Variants in MALT1 observed in about 807,000 individuals in gnomAD.
The protein encoded by MALT1 is MALT1 paracaspase.
A neutral mutation model predicts 85.5 loss-of-function variants in MALT1; 36 were observed. The ratio of observed to expected loss-of-function variants is 0.42; its 90% confidence interval spans 0.32 to 0.56. The LOEUF (loss-of-function observed/expected upper bound fraction) is 0.56. Among genes scored for constraint, MALT1 ranks in the 20% least tolerant of loss-of-function variants. MALT1 has a pLI of 0.10. For synonymous variants in MALT1, 359 were observed against 361.3 expected, an observed-to-expected ratio of 0.99 and a Z score of 0.07; for missense variants, 716 against 981.6, an observed-to-expected ratio of 0.73 and a Z score of 3.62.
At chr18:58,700,915 C>A (rs2054662633) in intron 4 of MALT1, among the ~76,000 whole-genome samples, 1 of 152,074 alleles carries the variant, frequency 6.6e-6, no homozygotes, top group African/African-American at 2.4e-5. Context: ...GCCTTATCCT[C>A]CTGAGTAGCT....
At position 58,671,577 on chromosome 18, in the gene MALT1, C is replaced by T. The variant is rs1267777429; in HGVS notation, c.-67C>T. On this transcript the variant is annotated 5_prime_UTR_variant, in exon 1 of 17. Transcript: ENST00000649217. ...GCGGCTCGGAGGCGAGCGGAAGGTG[C>T]CCCGGGGCCGAGGCCCGTGACGGGG... 9.3e-7 allele frequency: 1 copy of T among 1,077,202 alleles called. No homozygotes were observed. The highest frequency in any genetic ancestry group is 1.6e-5 in the African/African-American group (1 of 60,950). The allele number at this position is 1,077,202 out of a possible 1,614,324, so 66.7% of individuals were successfully genotyped here.
intron 9 of MALT1, among the ~76,000 whole-genome samples, chr18:58,719,150 G>C (rs182403634): frequency 6.4e-4 from 97 of 152,268 alleles, no homozygotes; most frequent in Non-Finnish European, 1.0e-3. Flanking sequence ...TTGTTCTGTG[G>C]GTTGGACTGG....
intron 3 of MALT1, among the ~76,000 whole-genome samples, chr18:58,699,435 A>G (rs567201116): frequency 6.6e-6 from 1 of 152,320 alleles, no homozygotes; most frequent in African/African-American, 2.4e-5. Context: ...TGGTGTAGGT[A>G]CTGAAAGGGG....
intron 2 of MALT1, among the ~76,000 whole-genome samples, chr18:58,692,433 T>TCTCA (rs774176542): frequency 1.8e-4 from 10 of 55,124 alleles, no homozygotes; most frequent in Non-Finnish European, 4.2e-4. Context: ...TCTCTCTCTC[T>TCTCA]CTCACTCTCT....
chr18:58,701,457 A>G (rs2054671564), intron 4 of MALT1, among the ~76,000 whole-genome samples: 1 of 152,108 alleles, frequency 6.6e-6, no homozygotes, highest in South Asian at 2.1e-4. Flanking sequence ...CTATTATAGA[A>G]CTCGTTGCAT....
rs1366556324 is a variant in MALT1, at chr18:58,749,712, CCACA to C, written c.*1873_*1876del. 1 of 220,512 alleles carries C rather than the reference CCACA, an allele frequency of 4.5e-6. No individual in the cohort carries two copies. The highest frequency in any genetic ancestry group is 9.1e-6 in the Non-Finnish European group (1 of 110,174). The allele number at this position is 220,512 out of a possible 1,614,324, so 13.7% of individuals were successfully genotyped here. On this transcript the variant is annotated 3_prime_UTR_variant, in exon 17 of 17. Coordinates refer to ENST00000649217, the MANE Select transcript of MALT1 (RefSeq NM_006785.4). ...TACCATATTTAATAAAGCACAAAAC[CCACA>C]CAGATTGTCTTATTACAGCATTTGA...
rs1400673796 is a variant in MALT1, at chr18:58,700,516, G to A, written c.574G>A (p.Val192Ile). 5 of 1,613,230 alleles carry A rather than the reference G, an allele frequency of 3.1e-6. No individual in the cohort carries two copies. The highest frequency in any genetic ancestry group is 4.2e-6 in the Non-Finnish European group (5 of 1,179,774). ...VKDAGFYVCRVNNNFTFEFSQ... is the reference protein window; with the variant it reads ...VKDAGFYVCRINNNFTFEFSQ... ...AGATGCAGGCTTTTATGTCTGTCGAGTTAATAACAATTTCACCTTTGAATT... is the reference window on the plus strand; with the variant it reads ...AGATGCAGGCTTTTATGTCTGTCGAATTAATAACAATTTCACCTTTGAATT... Residue 192 changes from valine to isoleucine, a missense_variant, in exon 4 of 17, where the codon GTT (valine) becomes ATT (isoleucine). Around this residue, in one of 4 missense-constraint regions of MALT1, gnomAD observed 290 missense variants for 380.5 expected, o/e 0.76. Transcript: ENST00000649217.
At chr18:58,735,427 T>A (rs1355101741) in intron 13 of MALT1, 98 bp downstream of exon 13, 1 of 1,334,926 alleles carries the variant, frequency 7.5e-7, no homozygotes, top group Non-Finnish European at 1.0e-6. Context: ...TTATTCTTAT[T>A]ATGTGGGTTT....
intron 1 of MALT1, among the ~76,000 whole-genome samples, 192 bp downstream of exon 1, chr18:58,672,044 C>T (rs2054170404): frequency 6.6e-6 from 1 of 152,124 alleles, no homozygotes; most frequent in Non-Finnish European, 1.5e-5. Flanking sequence ...GGTTTGAGAG[C>T]GGGGCCCAGG....
chr18:58,733,767 C>T, intron 11 of MALT1, 193 bp downstream of exon 11: 1 of 733,492 alleles, frequency 1.4e-6, no homozygotes, highest in East Asian at 3.0e-5. Flanking sequence ...TTCATATTTG[C>T]TATAGAACAC....
chr18:58,732,418 A>G (rs1490348485), intron 10 of MALT1, among the ~76,000 whole-genome samples: 3 of 152,208 alleles, frequency 2.0e-5, no homozygotes, highest in Admixed American at 6.5e-5. Flanking sequence ...AACTATCCCA[A>G]ATTTTAGATT....
chr18:58,732,895 C>G (rs1411745697), intron 10 of MALT1, among the ~76,000 whole-genome samples: 1 of 151,520 alleles, frequency 6.6e-6, no homozygotes, highest in African/African-American at 2.4e-5. Flanking sequence ...TAAGTGCAGA[C>G]TGTTGGTAAT....
chr18:58,690,535 G>T, intron 2 of MALT1: 1 of 168,868 alleles, frequency 5.9e-6, no homozygotes, highest in South Asian at 1.6e-4. Context: ...TCCCCTCTGT[G>T]AGAGAGATGT....
At chr18:58,701,638 A>C (rs528777457) in intron 4 of MALT1, among the ~76,000 whole-genome samples, 1 of 152,300 alleles carries the variant, frequency 6.6e-6, no homozygotes, top group East Asian at 1.9e-4. Flanking sequence ...TGTTACAGCT[A>C]TTTTAAACTA....
rs190491940 is a variant in MALT1, at chr18:58,703,078, G to A, written c.649+2487G>A. ...AAGGTTGTTGAGAAATAAAATATCG[G>A]TCAGGCGCAATGGCTCACACCAGTA... is the stretch of plus-strand genomic sequence containing the variant. On this transcript the variant is annotated intron_variant, in intron 4 of 16. Coordinates refer to ENST00000649217, the MANE Select transcript of MALT1 (RefSeq NM_006785.4). 3.9e-4 allele frequency among the ~76,000 whole-genome samples: 59 copies of A among 152,266 alleles called. 1 individual carries two copies. The highest frequency in any genetic ancestry group is 1.3e-3 in the African/African-American group (54 of 41,550).
intron 2 of MALT1, among the ~76,000 whole-genome samples, chr18:58,695,566 G>A (rs755809449): frequency 1.3e-5 from 2 of 152,122 alleles, no homozygotes; most frequent in East Asian, 1.9e-4. Context: ...ATTTGAAGAC[G>A]TTTTCAATGG....
intron 10 of MALT1, among the ~76,000 whole-genome samples, chr18:58,724,233 C>CT (rs1024835638): frequency 3.3e-5 from 5 of 151,162 alleles, no homozygotes; most frequent in East Asian, 1.9e-4. Flanking sequence ...GGAACAAAAG[C>CT]TTTTTTTTTC....
At chr18:58,686,336 C>T (rs975025753) in intron 2 of MALT1, among the ~76,000 whole-genome samples, 2 of 152,152 alleles carry the variant, frequency 1.3e-5, no homozygotes, top group Admixed American at 6.5e-5. Context: ...CTATTTGTTT[C>T]TTTTGTTTTA....
intron 5 of MALT1, 84 bp downstream of exon 5, chr18:58,709,640 C>A: frequency 8.9e-7 from 1 of 1,124,142 alleles, no homozygotes; most frequent in Non-Finnish European, 1.2e-6. Flanking sequence ...AACATTAAAA[C>A]TCATATCCTT....
Sources: allele counts gnomAD v4.1 joint callset (sites outside exome capture counted in the v4.1 genomes callset), GRCh38; gene constraint gnomAD v4.1.1; regional missense constraint gnomAD v4.1.1; transcripts MANE v1.5; gene names NCBI Gene and HGNC (gene_info 2026-07-23, HGNC 2026-07-21).